TBL1X: variants seen among roughly 807,000 people sequenced by gnomAD.
TBL1X encodes F-box-like/WD repeat-containing protein TBL1X.
Under a neutral mutation model 50.7 loss-of-function variants are expected in TBL1X, and 10 were observed. The observed-to-expected ratio is 0.20, with a 90% confidence interval of 0.12 to 0.33. The LOEUF is 0.33. Ranked by LOEUF, TBL1X falls within the 10% of genes least tolerant of loss-of-function variation. The probability of loss-of-function intolerance (pLI) is 1.00; values close to 1 mark genes in which losing one functional copy is unlikely to be tolerated. For synonymous variants in TBL1X, 190 were observed against 214.7 expected (o/e 0.88, Z 1.01); for missense variants, 340 against 504.4 (o/e 0.67, Z 3.12).
chrX:9,662,963 AT>A (rs1285999768), intron 5 of TBL1X, among the ~76,000 whole-genome samples: 1 of 111,208 alleles, frequency 9.0e-6, no homozygotes, highest in South Asian at 3.8e-4. Flanking sequence ...TCTCTTAAAA[AT>A]TTTTTTTAAA....
chrX:9,486,948 C>G (rs1373508541), intron 1 of TBL1X, among the ~76,000 whole-genome samples: 1 of 111,864 alleles, frequency 8.9e-6, no homozygotes, highest in Non-Finnish European at 1.9e-5. Flanking sequence ...TACCTCCGGT[C>G]ACCGCTTCTT....
intron 1 of TBL1X, among the ~76,000 whole-genome samples, chrX:9,498,168 A>G (rs1319358099): frequency 8.9e-6 from 1 of 112,106 alleles, no homozygotes; most frequent in East Asian, 2.8e-4. Flanking sequence ...CTTCAATAAC[A>G]TGGATACCTA....
intron 2 of TBL1X, among the ~76,000 whole-genome samples, chrX:9,544,723 C>T (rs968052837): frequency 1.1e-4 from 12 of 110,144 alleles, no homozygotes; most frequent in African/African-American, 3.6e-4. Flanking sequence ...CCACCACGCC[C>T]AGCTAATTTT....
intron 2 of TBL1X, chrX:9,640,004 ATTAATT>A (rs1226986615): frequency 8.9e-6 from 1 of 112,216 alleles, no homozygotes; most frequent in Non-Finnish European, 1.9e-5. Flanking sequence ...CTGAGCTAAC[ATTAATT>A]TTATCTATTT....
intron 2 of TBL1X, among the ~76,000 whole-genome samples, chrX:9,612,215 T>C (rs754502018): frequency 8.9e-6 from 1 of 112,226 alleles, no homozygotes; most frequent in African/African-American, 3.2e-5. Context: ...AGAAAAGATG[T>C]TATGGGCATA....
intron 2 of TBL1X, among the ~76,000 whole-genome samples, chrX:9,529,035 T>C (rs1277772861): frequency 8.9e-6 from 1 of 112,352 alleles, no homozygotes; most frequent in Non-Finnish European, 1.9e-5. Context: ...TCTGATTTTT[T>C]TTTTCCTGCT....
At chrX:9,555,121 G>A (rs1239656700) in intron 2 of TBL1X, among the ~76,000 whole-genome samples, 1 of 111,314 alleles carries the variant, frequency 9.0e-6, no homozygotes, top group Admixed American at 9.6e-5. Flanking sequence ...TGTTGCCCGG[G>A]CTGGAATGTA....
At chrX:9,469,851 C>T (rs1419891076) in intron 1 of TBL1X, among the ~76,000 whole-genome samples, 1 of 112,256 alleles carries the variant, frequency 8.9e-6, no homozygotes, top group Non-Finnish European at 1.9e-5. Context: ...CTGAATGTAA[C>T]ACATGGTGGA....
intron 2 of TBL1X, among the ~76,000 whole-genome samples, chrX:9,620,597 G>A (rs1233212803): frequency 8.9e-6 from 1 of 112,169 alleles, no homozygotes; most frequent in Non-Finnish European, 1.9e-5. Flanking sequence ...AGATGCAGCC[G>A]GAAGAGCCAG....
chrX:9,513,330 C>G (rs1189111661), intron 2 of TBL1X, among the ~76,000 whole-genome samples: 1 of 110,852 alleles, frequency 9.0e-6, no homozygotes, highest in East Asian at 2.9e-4. Flanking sequence ...AGAAATTCCC[C>G]TCACGAGGTG....
chrX:9,561,668 A>T (rs1004292896), intron 2 of TBL1X, among the ~76,000 whole-genome samples: 3 of 112,303 alleles, frequency 2.7e-5, no homozygotes, highest in African/African-American at 9.7e-5. Flanking sequence ...ACGTGTTCAT[A>T]TGTATGTGTG....
intron 3 of TBL1X, among the ~76,000 whole-genome samples, chrX:9,650,550 C>G: frequency 9.0e-6 from 1 of 111,709 alleles, no homozygotes; most frequent in African/African-American, 3.3e-5. Flanking sequence ...GCACCGTGCC[C>G]TGCCTCCCAG....
chrX:9,606,161 C>T (rs1434079409), intron 2 of TBL1X, among the ~76,000 whole-genome samples: 2 of 111,345 alleles, frequency 1.8e-5, no homozygotes. Flanking sequence ...AGTGATGCAC[C>T]ATGTGCAACA....
At chrX:9,517,187 C>T (rs944918182) in intron 2 of TBL1X, among the ~76,000 whole-genome samples, 5 of 111,030 alleles carry the variant, frequency 4.5e-5, no homozygotes, top group Non-Finnish European at 7.6e-5. Context: ...GTTTCTTGCA[C>T]GTTTGAGAGC....
chrX:9,701,569 TAAAAAAAA>T (rs63287561), intron 12 of TBL1X, among the ~76,000 whole-genome samples: 45 of 47,028 alleles, frequency 9.6e-4, no homozygotes, highest in African/African-American at 3.1e-3. Context: ...CTTGATGAGC[TAAAAAAAA>T]AAAAAAAAAA....
At chrX:9,710,465 G>A (rs2083239698) in intron 15 of TBL1X, among the ~76,000 whole-genome samples, 1 of 111,194 alleles carries the variant, frequency 9.0e-6, no homozygotes, top group South Asian at 3.8e-4. Context: ...AAAGTACTGT[G>A]ATATAGTGTG....
At chrX:9,552,007 G>C (rs1369079784) in intron 2 of TBL1X, among the ~76,000 whole-genome samples, 1 of 112,233 alleles carries the variant, frequency 8.9e-6, no homozygotes, top group Non-Finnish European at 1.9e-5. Context: ...GGGAGGAAGT[G>C]AGGAATTTGG....
chrX:9,583,145 C>T (rs1168265366), intron 2 of TBL1X, among the ~76,000 whole-genome samples: 1 of 112,610 alleles, frequency 8.9e-6, no homozygotes, highest in African/African-American at 3.2e-5. Flanking sequence ...CAGGCGGCAG[C>T]AGGGTGGCTT....
intron 2 of TBL1X, among the ~76,000 whole-genome samples, chrX:9,565,438 T>TA (rs1323333314): frequency 9.0e-6 from 1 of 110,885 alleles, no homozygotes; most frequent in African/African-American, 3.3e-5. Flanking sequence ...GGTGGGAATG[T>TA]AAAAAACCAA....
Sources: gnomAD v4.1 joint callset for allele counts (sites outside exome capture counted in the v4.1 genomes callset) on GRCh38, gnomAD v4.1.1 for gene constraint, MANE v1.5 for transcripts, NCBI Gene and HGNC (gene_info 2026-07-23, HGNC 2026-07-21) for gene names.